SPIRE1: variants seen among roughly 807,000 people sequenced by gnomAD.
SPIRE1 encodes protein spire homolog 1.
A neutral mutation model predicts 94.1 loss-of-function variants in SPIRE1; 40 were observed. That is an observed-to-expected ratio of 0.43 (90% CI 0.33 to 0.55). The LOEUF (loss-of-function observed/expected upper bound fraction) is 0.55. SPIRE1 is among the 20% of genes least tolerant of loss of function. The probability of loss-of-function intolerance (pLI) is 0.06; values close to 1 mark genes in which losing one functional copy is unlikely to be tolerated. For synonymous variants in SPIRE1, 376 were observed against 371.7 expected (o/e 1.01, Z -0.13); for missense variants, 838 against 975.2 (o/e 0.86, Z 1.87).
chr18:12,544,474 G>T (rs910788951), intron 3 of SPIRE1, among the ~76,000 whole-genome samples: 9 of 151,382 alleles, frequency 5.9e-5, no homozygotes, highest in African/African-American at 2.2e-4. Flanking sequence ...AAAATGCTGG[G>T]ATTACAGGCA....
At chr18:12,569,079 G>A (rs1044604248) in intron 2 of SPIRE1, among the ~76,000 whole-genome samples, 1 of 152,196 alleles carries the variant, frequency 6.6e-6, no homozygotes, top group Non-Finnish European at 1.5e-5. Flanking sequence ...GGTGGCTCAT[G>A]CCTGCAATCC....
chr18:12,579,346 A>T (rs951177235), intron 2 of SPIRE1, among the ~76,000 whole-genome samples: 7 of 152,216 alleles, frequency 4.6e-5, no homozygotes, highest in Non-Finnish European at 2.9e-5. Flanking sequence ...AACATGGATG[A>T]TCCCTAAAAA....
At chr18:12,647,179 CTAA>C (rs1201445990) in intron 1 of SPIRE1, among the ~76,000 whole-genome samples, 1 of 152,002 alleles carries the variant, frequency 6.6e-6, no homozygotes, top group Non-Finnish European at 1.5e-5. Context: ...TAAATTTATA[CTAA>C]TGTCTCATAT....
At chr18:12,626,614 A>G (rs2037632961) in intron 2 of SPIRE1, among the ~76,000 whole-genome samples, 1 of 152,186 alleles carries the variant, frequency 6.6e-6, no homozygotes, top group African/African-American at 2.4e-5. Flanking sequence ...ATAAGGCACT[A>G]AATTAACCAT....
intron 3 of SPIRE1, among the ~76,000 whole-genome samples, chr18:12,542,550 G>A (rs2035042373): frequency 6.6e-6 from 1 of 151,946 alleles, no homozygotes; most frequent in African/African-American, 2.4e-5. Flanking sequence ...TGGATTACCA[G>A]TAATTTTCTT....
chr18:12,530,352 T>A (rs962270669), intron 4 of SPIRE1, among the ~76,000 whole-genome samples: 1 of 152,202 alleles, frequency 6.6e-6, no homozygotes, highest in Non-Finnish European at 1.5e-5. Flanking sequence ...AAGCTTAACA[T>A]GTCTTGCCTC....
intron 2 of SPIRE1, among the ~76,000 whole-genome samples, chr18:12,608,974 T>TG: frequency 6.6e-6 from 1 of 151,690 alleles, no homozygotes; most frequent in Non-Finnish European, 1.5e-5. Flanking sequence ...CAAATGGGGG[T>TG]GGGGTGTGGG....
intron 1 of SPIRE1, among the ~76,000 whole-genome samples, chr18:12,643,108 T>G (rs1464287014): frequency 6.6e-6 from 1 of 152,046 alleles, no homozygotes. Flanking sequence ...CTAAAAATGT[T>G]TATAGTATAA....
At chr18:12,636,159 C>T (rs1252379161) in intron 1 of SPIRE1, among the ~76,000 whole-genome samples, 5 of 152,282 alleles carry the variant, frequency 3.3e-5, no homozygotes, top group East Asian at 1.9e-4. Context: ...TCCCAAAGTG[C>T]TGGGATTACA....
intron 2 of SPIRE1, among the ~76,000 whole-genome samples, chr18:12,569,186 C>CA (rs766965378): frequency 5.0e-4 from 76 of 151,706 alleles, no homozygotes; most frequent in Middle Eastern, 3.4e-3. Flanking sequence ...TAAAAATATA[C>CA]AAAAAAATTA....
intron 2 of SPIRE1, among the ~76,000 whole-genome samples, chr18:12,589,168 T>C (rs1311051303): frequency 7.5e-6 from 1 of 133,020 alleles, no homozygotes; most frequent in East Asian, 2.3e-4. Context: ...GTATTATGCA[T>C]ATTAACACCT....
intron 1 of SPIRE1, among the ~76,000 whole-genome samples, chr18:12,649,804 TCTA>T (rs1448229875): frequency 6.6e-6 from 1 of 152,230 alleles, no homozygotes; most frequent in Non-Finnish European, 1.5e-5. Context: ...CTAAATTCTT[TCTA>T]CTGTTTCCCT....
rs942421732 is a variant in SPIRE1 at position 12,446,970 on chromosome 18, T to C, written c.*2668A>G. On this transcript the variant is annotated 3_prime_UTR_variant, in exon 17 of 17. Coordinates refer to ENST00000409402, the MANE Select transcript of SPIRE1 (RefSeq NM_001128626.2). Reference sequence around the variant, plus strand: ...ACGTACGTCAATCATTCATTTTCACTTGCCTTGGGAGAGTTAATTCCCACT... The same window carrying C: ...ACGTACGTCAATCATTCATTTTCACCTGCCTTGGGAGAGTTAATTCCCACT... The C allele has an allele frequency of 3.9e-5, 6 of 152,322 alleles. No individual in the cohort carries two copies. Among genetic ancestry groups the C allele is most frequent in the Admixed American group, 3.9e-4 (6 of 15,290 alleles). The allele number at this position is 152,322 out of a possible 1,614,324, so 9.4% of individuals were successfully genotyped here. A position where few individuals can be genotyped will look rare whatever the true frequency, so the allele number is the denominator to read the frequency against.
intron 4 of SPIRE1, among the ~76,000 whole-genome samples, chr18:12,517,211 T>C (rs577824445): frequency 2.7e-4 from 41 of 152,368 alleles, no homozygotes; most frequent in African/African-American, 8.9e-4. Flanking sequence ...GTATTAGTTA[T>C]TATGTCAATG....
At chr18:12,583,846 G>C (rs2036321329) in intron 2 of SPIRE1, among the ~76,000 whole-genome samples, 1 of 151,810 alleles carries the variant, frequency 6.6e-6, no homozygotes, top group Non-Finnish European at 1.5e-5. Context: ...GATCACATGA[G>C]CCTAGAAGGG....
At chr18:12,489,174 C>T (rs1487635066) in intron 8 of SPIRE1, among the ~76,000 whole-genome samples, 7 of 152,004 alleles carry the variant, frequency 4.6e-5, no homozygotes, top group African/African-American at 9.7e-5. Flanking sequence ...GGAGACAGTG[C>T]GAGACTCCGT....
chr18:12,469,740 T>C (rs1049065555), intron 10 of SPIRE1, among the ~76,000 whole-genome samples: 2 of 144,266 alleles, frequency 1.4e-5, no homozygotes, highest in Non-Finnish European at 3.0e-5. Flanking sequence ...TTATATATTA[T>C]ATATAATATA....
chr18:12,606,785 C>T (rs571323587), intron 2 of SPIRE1, among the ~76,000 whole-genome samples: 7 of 152,322 alleles, frequency 4.6e-5, no homozygotes, highest in African/African-American at 1.4e-4. Context: ...CCCACCTCAG[C>T]CTCCCAATGT....
intron 1 of SPIRE1, among the ~76,000 whole-genome samples, chr18:12,641,070 G>A (rs1408682710): frequency 5.3e-5 from 8 of 152,060 alleles, no homozygotes; most frequent in Admixed American, 4.6e-4. Context: ...AGGGTGAAAA[G>A]GAGAGGGTTC....
Sources: allele counts gnomAD v4.1 joint callset (sites outside exome capture counted in the v4.1 genomes callset), GRCh38; gene constraint gnomAD v4.1.1; transcripts MANE v1.5; gene names NCBI Gene and HGNC (gene_info 2026-07-23, HGNC 2026-07-21).